Variants in MMP26 observed in about 807,000 individuals in gnomAD.
MMP26 encodes the protein matrix metalloproteinase-26.
A neutral mutation model predicts 31.0 loss-of-function variants in MMP26; 33 were observed. The ratio of observed to expected loss-of-function variants is 1.06; its 90% CI spans 0.81 to 1.42. MMP26 has a LOEUF of 1.42. MMP26 is among the 40% of genes most tolerant of loss of function. MMP26 has a pLI of 0.00. For missense variants in MMP26, 347 were observed against 316.1 expected (o/e 1.10, Z -0.74); for synonymous variants, 122 against 114.9 (o/e 1.06, Z -0.40).
At chr11:4,792,803 A>G (rs1849047805) in intron 2 of MMP26, among the ~76,000 whole-genome samples, 4 of 152,224 alleles carry the variant, frequency 2.6e-5, no homozygotes, top group Admixed American at 6.5e-5. Context: ...GTGGACATAC[A>G]GAGAAAAGAA....
At chr11:4,726,999 A>G (rs1415441617) in intron 1 of MMP26, among the ~76,000 whole-genome samples, 1 of 152,068 alleles carries the variant, frequency 6.6e-6, no homozygotes, top group Non-Finnish European at 1.5e-5. Flanking sequence ...CTGGGTGAAG[A>G]CCGGGACCCT....
chr11:4,792,719 G>T (rs1715111870), intron 2 of MMP26, among the ~76,000 whole-genome samples: 1 of 150,266 alleles, frequency 6.7e-6, no homozygotes, highest in African/African-American at 2.4e-5. Context: ...ATGAACTTCT[G>T]TTATCACATA....
rs747026783 is a variant in MMP26 at position 4,821,541 on chromosome 11, C to A, written c.-145+54200C>A. On this transcript the variant is annotated intron_variant, in intron 2 of 7. Coordinates refer to ENST00000380390, the MANE Select transcript of MMP26 (RefSeq NM_021801.5). ...CTTTTTGTCTCCTATATGTTGTTGC[C>A]GTCTCTGGAAATAGCATGATCCTGT... 10 of 1,612,114 alleles carry A rather than the reference C, an allele frequency of 6.2e-6. No individual in the cohort carries two copies. The Admixed American group carries it at 1.0e-4, about 16-fold the overall frequency.
At chr11:4,753,128 C>T (rs1428772672) in intron 1 of MMP26, among the ~76,000 whole-genome samples, 1 of 152,164 alleles carries the variant, frequency 6.6e-6, no homozygotes, top group East Asian at 1.9e-4. Context: ...CATCTGTACC[C>T]GTGTAACCGT....
At chr11:4,836,263 A>G (rs1474838709) in intron 2 of MMP26, among the ~76,000 whole-genome samples, 5 of 152,054 alleles carry the variant, frequency 3.3e-5, no homozygotes, top group Admixed American at 3.3e-4. Flanking sequence ...CTGCAAAGCA[A>G]AATGCATACA....
Position 4,733,355 on chromosome 11 carries a change from G to A in MMP26, c.-217+28310G>A, listed in dbSNP as rs1042650799. 3.3e-5 allele frequency among the ~76,000 whole-genome samples: 5 copies of A among 152,028 alleles called. No individual in the cohort carries two copies. In the South Asian group the frequency reaches 1.0e-3, roughly 32 times the overall value. On this transcript the variant is annotated intron_variant, in intron 1 of 7. Transcript: ENST00000380390. Reference sequence around the variant, plus strand: ...GTTAATTTATTTCAGCAATATTTTGGTGTATGATATTTTCAGTGTGAAAGT... The same window carrying A: ...GTTAATTTATTTCAGCAATATTTTGATGTATGATATTTTCAGTGTGAAAGT...
chr11:4,824,278 T>A (rs757527438), intron 2 of MMP26, among the ~76,000 whole-genome samples: 14 of 152,088 alleles, frequency 9.2e-5, no homozygotes, highest in Non-Finnish European at 1.9e-4. Flanking sequence ...GCTGGGTACA[T>A]CCTAGAAGAC....
At chr11:4,886,773 C>T (rs1850551659) in intron 2 of MMP26, among the ~76,000 whole-genome samples, 1 of 144,886 alleles carries the variant, frequency 6.9e-6, no homozygotes, top group South Asian at 2.3e-4. Flanking sequence ...AAAACCACAA[C>T]CTTAAGGATT....
intron 1 of MMP26, chr11:4,723,455 C>T: frequency 9.5e-7 from 1 of 1,055,644 alleles, no homozygotes; most frequent in Non-Finnish European, 1.5e-6. Flanking sequence ...GACAGCACCA[C>T]AGATGTGTCC....
chr11:4,957,872 G>T (rs1006772035), intron 2 of MMP26, among the ~76,000 whole-genome samples: 1 of 151,978 alleles, frequency 6.6e-6, no homozygotes, highest in Admixed American at 6.6e-5. Flanking sequence ...TAGAGATGGG[G>T]TTTTGCCATG....
chr11:4,981,964 G>A (rs1421059672), intron 2 of MMP26, among the ~76,000 whole-genome samples: 1 of 151,614 alleles, frequency 6.6e-6, no homozygotes, highest in African/African-American at 2.4e-5. Context: ...AGGGTGCATG[G>A]AGTTGTCATC....
chr11:4,846,829 G>A (rs998689172), intron 2 of MMP26, among the ~76,000 whole-genome samples: 9 of 152,220 alleles, frequency 5.9e-5, no homozygotes, highest in Admixed American at 4.6e-4. Flanking sequence ...GAATAAGACT[G>A]TAATTACTCT....
chr11:4,834,937 T>G (rs1349790637), intron 2 of MMP26, among the ~76,000 whole-genome samples: 2 of 152,056 alleles, frequency 1.3e-5, no homozygotes, highest in Non-Finnish European at 2.9e-5. Flanking sequence ...ATATAAAATA[T>G]AGACATAAAT....
intron 1 of MMP26, among the ~76,000 whole-genome samples, chr11:4,705,986 GT>G (rs1280663607): frequency 6.1e-5 from 9 of 147,980 alleles, no homozygotes; most frequent in South Asian, 2.2e-4. Context: ...GGTGGTGGTG[GT>G]GGTGGGGGGA....
At chr11:4,909,389 C>G (rs1850956203) in intron 2 of MMP26, 1 of 152,036 alleles carries the variant, frequency 6.6e-6, no homozygotes, top group South Asian at 2.1e-4. Flanking sequence ...AAAAGAAAAG[C>G]TTTTCAAAGG....
intron 2 of MMP26, among the ~76,000 whole-genome samples, chr11:4,858,367 C>A (rs1284400218): frequency 6.6e-6 from 1 of 152,182 alleles, no homozygotes; most frequent in African/African-American, 2.4e-5. Context: ...TGATAAGCAG[C>A]TTCAGCAAAG....
intron 1 of MMP26, among the ~76,000 whole-genome samples, chr11:4,724,717 C>A (rs533997068): frequency 6.6e-6 from 1 of 152,118 alleles, no homozygotes. Flanking sequence ...AGAACAACTT[C>A]GTTTATTGCT....
chr11:4,767,032 T>A (rs1381205656), intron 1 of MMP26, among the ~76,000 whole-genome samples: 1 of 152,134 alleles, frequency 6.6e-6, no homozygotes, highest in Admixed American at 6.5e-5. Flanking sequence ...ACTAAATCGA[T>A]AAACAAATTC....
rs1479252693 is a variant in MMP26, at chr11:4,881,804, A to G, written c.-144-106264A>G. The G allele has an allele frequency of 3.6e-6, 4 of 1,118,158 alleles. No individual in the cohort carries two copies. The African/African-American group carries it at 4.7e-5, about 13-fold the overall frequency. 69.3% of individuals were successfully genotyped at this position (1,118,158 alleles called of 1,614,324 possible). On this transcript the variant is annotated intron_variant, in intron 2 of 7. Coordinates refer to ENST00000380390, the MANE Select transcript of MMP26 (RefSeq NM_021801.5). ...GAAGAAAAATAACTACCTTAAATTTAAAATTGTATATAAAATGACTAATAA... is the reference window on the plus strand; with the variant it reads ...GAAGAAAAATAACTACCTTAAATTTGAAATTGTATATAAAATGACTAATAA...
Sources: allele counts gnomAD v4.1 joint callset (sites outside exome capture counted in the v4.1 genomes callset), GRCh38; gene constraint gnomAD v4.1.1; transcripts MANE v1.5; gene names NCBI Gene and HGNC (gene_info 2026-07-23, HGNC 2026-07-21).